The following SMURF1 variants were observed in gnomAD, a reference collection of about 807,000 sequenced individuals.
SMURF1 encodes the protein E3 ubiquitin-protein ligase SMURF1.
A neutral mutation model predicts 98.0 loss-of-function variants in SMURF1; 44 were observed. That is an observed-to-expected ratio of 0.45 (90% CI 0.35 to 0.58). The LOEUF is 0.58. Among genes scored for constraint, SMURF1 ranks in the 20% least tolerant of loss-of-function variants. The pLI, the probability that SMURF1 is intolerant of heterozygous loss-of-function variation, is 0.00. For synonymous variants in SMURF1, 396 were observed against 374.9 expected, an observed-to-expected ratio of 1.06 and a Z score of -0.65; for missense variants, 687 against 938.4, an observed-to-expected ratio of 0.73 and a Z score of 3.50.
chr7:99,052,332 C>T lies in SMURF1; in HGVS notation c.594G>A (p.Val198=). ...AAAGGGNCRF[V]ESPSQDQRLQ... Reference sequence around the variant, plus strand: ...GTCTTTGATCTTGACTTGGGGACTCCACGAACCTGCAATTCCCTCCTCCAG... The same window carrying T: ...GTCTTTGATCTTGACTTGGGGACTCTACGAACCTGCAATTCCCTCCTCCAG... The change falls in exon 7 of 18, where the codon GTG becomes GTA. Residue 198 remains valine, a synonymous_variant. Coordinates refer to ENST00000361368, the MANE Select transcript of SMURF1 (RefSeq NM_181349.3). The T allele has an allele frequency of 6.2e-7, 1 of 1,612,722 alleles. No individual in the cohort carries two copies. The highest frequency in any genetic ancestry group is 8.5e-7 in the Non-Finnish European group (1 of 1,179,438).
chr7:99,057,086 G>T, intron 5 of SMURF1, 119 bp downstream of exon 5: 1 of 944,778 alleles, frequency 1.1e-6, no homozygotes, highest in South Asian at 1.4e-5. Context: ...GGCCCCGTAC[G>T]TGGTCTGTCC....
chr7:99,051,070 A>T (rs752805741), intron 8 of SMURF1: 2 of 1,333,282 alleles, frequency 1.5e-6, no homozygotes, highest in Non-Finnish European at 1.0e-6. Flanking sequence ...ATGATGGAAA[A>T]TTTTAAGCAT....
intron 1 of SMURF1, among the ~76,000 whole-genome samples, chr7:99,132,625 T>C (rs945635062): frequency 5.3e-5 from 8 of 151,658 alleles, no homozygotes; most frequent in African/African-American, 1.9e-4. Flanking sequence ...TTATTTAGGC[T>C]GAAGGCCTGA....
chr7:99,093,490 A>G (rs1328643013), intron 1 of SMURF1, among the ~76,000 whole-genome samples: 2 of 148,124 alleles, frequency 1.4e-5, no homozygotes, highest in African/African-American at 4.8e-5. Context: ...TAAAAAGTCA[A>G]TAAAATGCAA....
Position 99,030,647 on chromosome 7 carries a change from A to G in SMURF1, c.2133T>C (p.Tyr711=), listed in dbSNP as rs1423132326. The G allele has an allele frequency of 6.2e-7, 1 of 1,614,134 alleles. No individual in the cohort carries two copies. Among genetic ancestry groups the G allele is most frequent in the Non-Finnish European group, 8.5e-7 (1 of 1,179,980 alleles). The change falls in exon 18 of 18, where the codon TAT becomes TAC. Residue 711 remains tyrosine (Y), a synonymous_variant. Transcript: ENST00000361368. ...NRIDIPPYES[Y]EKLYEKLLTA... ...TCAGCAGCTTCTCGTAGAGCTTCTC[A>G]TAGGACTCATATGGTGGAATGTCGA...
chr7:99,103,198 G>A (rs1797127846), intron 1 of SMURF1, among the ~76,000 whole-genome samples: 1 of 152,066 alleles, frequency 6.6e-6, no homozygotes, highest in Non-Finnish European at 1.5e-5. Context: ...GCAAAAAGGA[G>A]GAAGAAATAG....
intron 1 of SMURF1, among the ~76,000 whole-genome samples, chr7:99,089,910 G>C (rs960718023): frequency 3.9e-5 from 6 of 152,140 alleles, no homozygotes; most frequent in Non-Finnish European, 8.8e-5. Flanking sequence ...CAAGGAGTGT[G>C]GGGTAGGAGA....
chr7:99,133,705 A>AC (rs1797924941), intron 1 of SMURF1, among the ~76,000 whole-genome samples: 1 of 152,218 alleles, frequency 6.6e-6, no homozygotes, highest in African/African-American at 2.4e-5. Flanking sequence ...AAAGACATAT[A>AC]CCTGAAAATT....
Position 99,037,194 on chromosome 7 carries a change from G to GA in SMURF1, c.1689-8dup. 1.2e-6 allele frequency: 2 copies of GA among 1,613,934 alleles called. No individual in the cohort carries two copies. Among genetic ancestry groups the GA allele is most frequent in the Non-Finnish European group, 1.7e-6 (2 of 1,179,996 alleles). On this transcript the variant is annotated splice_region_variant and splice_polypyrimidine_tract_variant and intron_variant, in intron 14 of 17. Coordinates refer to ENST00000361368, the MANE Select transcript of SMURF1 (RefSeq NM_181349.3). ...CCTCCAGTTTACATACAACCTGGAA[G>GA]AAAAACTCGCAAGTTGGATGCAACA...
intron 1 of SMURF1, among the ~76,000 whole-genome samples, chr7:99,068,993 G>A (rs1796261320): frequency 6.6e-6 from 1 of 152,140 alleles, no homozygotes; most frequent in African/African-American, 2.4e-5. Flanking sequence ...AAAAAAATAA[G>A]GACAATGTAA....
chr7:99,142,551 G>A (rs1798151217), intron 1 of SMURF1, among the ~76,000 whole-genome samples: 2 of 149,280 alleles, frequency 1.3e-5, no homozygotes, highest in Admixed American at 6.7e-5. Flanking sequence ...TCGCCAGACA[G>A]CAGCGAGGGG....
chr7:99,124,344 T>C (rs1010069865), intron 1 of SMURF1, among the ~76,000 whole-genome samples: 6 of 152,156 alleles, frequency 3.9e-5, no homozygotes, highest in African/African-American at 1.4e-4. Flanking sequence ...CCAGTTTCCA[T>C]TTAAAAAGGC....
chr7:99,030,529 T>C lies in SMURF1; in HGVS notation c.*55A>G. 1 of 1,452,552 alleles carries C rather than the reference T, an allele frequency of 6.9e-7. No homozygotes were observed. The highest frequency in any genetic ancestry group is 2.3e-5 in the East Asian group (1 of 44,102). The allele number at this position is 1,452,552 out of a possible 1,614,324, so 90.0% of individuals were successfully genotyped here. ...AGCTTTGCAGGAGGTGCACAGAAGC[T>C]GGATGCTTTTGGTCTGGTGGCCATG... On this transcript the variant is annotated 3_prime_UTR_variant, in exon 18 of 18. Transcript: ENST00000361368.
intron 1 of SMURF1, among the ~76,000 whole-genome samples, chr7:99,070,149 C>A (rs1796284365): frequency 1.3e-5 from 2 of 152,210 alleles, no homozygotes; most frequent in Admixed American, 1.3e-4. Flanking sequence ...GAATTCAGAT[C>A]ATACCCCAAA....
intron 1 of SMURF1, among the ~76,000 whole-genome samples, chr7:99,089,475 C>CA (rs980768041): frequency 1.6e-3 from 235 of 150,236 alleles, no homozygotes; most frequent in African/African-American, 5.1e-3. Context: ...CTCATCTCTA[C>CA]AAAAAAAATA....
Position 99,049,689 on chromosome 7 carries a change from C to T in SMURF1, c.827G>A (p.Cys276Tyr), listed in dbSNP as rs1257002685. The change falls in exon 9 of 18, where the codon TGT (cysteine) becomes TAT (tyrosine). Residue 276 changes from cysteine (C) to tyrosine (Y), a missense_variant. Cys to Tyr is a radical substitution (Grantham distance 194, BLOSUM62 -2). Coordinates refer to ENST00000361368, the MANE Select transcript of SMURF1 (RefSeq NM_181349.3). ...TGGCGGCAGTGGTCCAAGTTCATCA[C>T]AGTTCACACTGTTAAGGTCTCTACC... is the stretch of plus-strand genomic sequence containing the variant. ...RIPRDLNSVN[C>Y]DELGPLPPGW... 1.2e-6 allele frequency: 2 copies of T among 1,614,156 alleles called. No individual in the cohort carries two copies. Among genetic ancestry groups the T allele is most frequent in the East Asian group, 2.2e-5 (1 of 44,884 alleles).
chr7:99,094,769 T>G (rs182814233), intron 1 of SMURF1, among the ~76,000 whole-genome samples: 1 of 152,150 alleles, frequency 6.6e-6, no homozygotes, highest in Non-Finnish European at 1.5e-5. Flanking sequence ...GTCAGAGCCC[T>G]TTAGAAATGG....
At chr7:99,063,745 T>A (rs1015117489) in intron 1 of SMURF1, among the ~76,000 whole-genome samples, 20 of 150,928 alleles carry the variant, frequency 1.3e-4, no homozygotes, top group African/African-American at 4.6e-4. Context: ...AAACTAACAA[T>A]CTTAAACACA....
intron 1 of SMURF1, among the ~76,000 whole-genome samples, chr7:99,143,388 AGAGAAGCGAGGGGCGGGGCCAGGGAAG>A (rs1798182725): frequency 9.6e-6 from 1 of 104,510 alleles, no homozygotes; most frequent in Non-Finnish European, 2.0e-5. Context: ...GGCCAGGAAA[AGAGAAGCGAGGGGCGGGGCCAGGGAAG>A]GAGATGCAAG....
Sources: gnomAD v4.1 joint callset for allele counts (sites outside exome capture counted in the v4.1 genomes callset) on GRCh38, gnomAD v4.1.1 for gene constraint, MANE v1.5 for transcripts, NCBI Gene and HGNC (gene_info 2026-07-23, HGNC 2026-07-21) for gene names.